The following C5orf22 variants were observed in gnomAD, a reference collection of about 807,000 sequenced individuals.
C5orf22 encodes the protein UPF0489 protein C5orf22.
A neutral mutation model predicts 48.7 loss-of-function variants in C5orf22; 36 were observed. The ratio of observed to expected loss-of-function variants is 0.74; its 90% CI spans 0.57 to 0.98. The LOEUF (loss-of-function observed/expected upper bound fraction) is 0.98. Ranked by LOEUF, C5orf22 falls within the 50% of genes least tolerant of loss-of-function variation. The pLI, the probability that C5orf22 is intolerant of heterozygous loss-of-function variation, is 0.00. For missense variants in C5orf22, 486 were observed against 521.9 expected, an observed-to-expected ratio of 0.93 and a Z score of 0.67; for synonymous variants, 141 against 180.8, an observed-to-expected ratio of 0.78 and a Z score of 1.76.
chr5:31,532,582 A>C, intron 1 of C5orf22, 109 bp downstream of exon 1: 1 of 880,742 alleles, frequency 1.1e-6, no homozygotes, highest in South Asian at 1.6e-5. Flanking sequence ...AGTTAACCAG[A>C]GTTAAACTGC....
chr5:31,538,527 C>T lies in C5orf22; in HGVS notation c.645C>T (p.Cys215=), dbSNP rs761401158. 9.3e-6 allele frequency: 15 copies of T among 1,614,090 alleles called. No individual in the cohort carries two copies. Among genetic ancestry groups the T allele is most frequent in the Non-Finnish European group, 1.2e-5 (14 of 1,180,002 alleles). The change falls in exon 4 of 9, where the codon TGC becomes TGT. Residue 215 remains cysteine, a synonymous_variant. Transcript: ENST00000325366. ...DTATQRSDQT[C]LEPSCSCSSE... ...CAACACAGAGAAGTGACCAGACTTG[C>T]CTAGAACCATCATGTTCATGTTCTT...
In C5orf22 at chr5:31,535,882, C is replaced by A; in HGVS notation, c.366C>A (p.Thr122=). The A allele has an allele frequency of 6.2e-7, 1 of 1,611,402 alleles. No homozygotes were observed. The highest frequency in any genetic ancestry group is 8.5e-7 in the Non-Finnish European group (1 of 1,179,310). ...TTTTAGTAGGCAAAGACACTTCTACCACAACAATCAGGTAATTTCCTCATA... is the reference window on the plus strand; with the variant it reads ...TTTTAGTAGGCAAAGACACTTCTACAACAACAATCAGGTAATTTCCTCATA... The part of the protein sequence containing the change: ...HHFLVGKDTS[T]TTIRVTSTDH... The change falls in exon 3 of 9, where the codon ACC becomes ACA. Residue 122 remains threonine, a synonymous_variant. Transcript: ENST00000325366.
At chr5:31,551,207 A>G in intron 7 of C5orf22, 86 bp from the exon 8 acceptor site, 1 of 1,299,980 alleles carries the variant, frequency 7.7e-7, no homozygotes, top group Non-Finnish European at 1.1e-6. Flanking sequence ...ATAAAAGTAA[A>G]GATTTGTCAA....
At position 31,552,637 on chromosome 5, in the gene C5orf22, C is replaced by T. The variant is rs1743354637; in HGVS notation, c.1200-136C>T. 28 of 680,262 alleles carry T rather than the reference C, an allele frequency of 4.1e-5. No individual in the cohort carries two copies. In the South Asian group the frequency reaches 5.4e-4, roughly 13 times the overall value. 42.1% of individuals were successfully genotyped at this position (680,262 alleles called of 1,614,324 possible). On this transcript the variant is annotated intron_variant, in intron 8 of 8. Transcript: ENST00000325366. ...CTAACATGGGGTAAACCTTCACTAG[C>T]TTTCAATTGATATTAATCCAAAGTT... is the stretch of plus-strand genomic sequence containing the variant.
intron 6 of C5orf22, among the ~76,000 whole-genome samples, chr5:31,545,104 G>T (rs1742773743): frequency 6.6e-6 from 1 of 150,696 alleles, no homozygotes; most frequent in African/African-American, 2.4e-5. Context: ...TGTCACCCTG[G>T]CTGGAGTGCA....
chr5:31,535,883 A>G lies in C5orf22; in HGVS notation c.367A>G (p.Thr123Ala), dbSNP rs1742038490. The G allele has an allele frequency of 6.2e-7, 1 of 1,611,630 alleles. No homozygotes were observed. Among genetic ancestry groups the G allele is most frequent in the Non-Finnish European group, 8.5e-7 (1 of 1,179,440 alleles). Reference protein sequence around the residue: ...HFLVGKDTSTTTIRVTSTDHY... With the variant: ...HFLVGKDTSTATIRVTSTDHY... The stretch of plus-strand genomic sequence containing the variant: ...TTTAGTAGGCAAAGACACTTCTACC[A>G]CAACAATCAGGTAATTTCCTCATAT... Residue 123 changes from threonine (T) to alanine (A), a missense_variant, in exon 3 of 9, where the codon ACA becomes GCA. Around this residue, in one of 3 missense-constraint regions of C5orf22, gnomAD observed 408 missense variants for 444.0 expected, o/e 0.92. Transcript: ENST00000325366.
In C5orf22 at chr5:31,541,280, G is replaced by A. The variant is rs1742447380; in HGVS notation, c.871-1G>A. On this transcript the variant is annotated splice_acceptor_variant, in intron 5 of 8. Transcript: ENST00000325366. LOFTEE classifies it high-confidence loss of function. Reference sequence around the variant, plus strand: ...ATCTCAGCTTTTCAATGTATTTAAAGGAAGATTTGGTAGATATTGTTGATA... The same window carrying A: ...ATCTCAGCTTTTCAATGTATTTAAAAGAAGATTTGGTAGATATTGTTGATA... The A allele has an allele frequency of 1.9e-6, 3 of 1,610,166 alleles. No individual in the cohort carries two copies. Among genetic ancestry groups the A allele is most frequent in the Non-Finnish European group, 2.5e-6 (3 of 1,176,662 alleles).
chr5:31,553,926 T>G lies in C5orf22; in HGVS notation c.*1024T>G, dbSNP rs1303024568. On this transcript the variant is annotated 3_prime_UTR_variant, in exon 9 of 9. Transcript: ENST00000325366. Reference sequence around the variant, plus strand: ...TATTGCCAAGTCTAGATTGATACTTTTTTCAGATAAACCAGCTTTTTATGT... The same window carrying G: ...TATTGCCAAGTCTAGATTGATACTTGTTTCAGATAAACCAGCTTTTTATGT... 1 of 152,210 alleles carries G rather than the reference T, an allele frequency of 6.6e-6. No homozygotes were observed. The highest frequency in any genetic ancestry group is 2.4e-5 in the African/African-American group (1 of 41,448). The allele number at this position is 152,210 out of a possible 1,614,324, so 9.4% of individuals were successfully genotyped here.
rs1012962286 is a variant in C5orf22 at position 31,553,660 on chromosome 5, A to G, written c.*758A>G. Reference sequence around the variant, plus strand: ...AAAAACCCCACAAATTTGCCAATCCATGAAAGTATCATAGGAAGTCTACCT... The same window carrying G: ...AAAAACCCCACAAATTTGCCAATCCGTGAAAGTATCATAGGAAGTCTACCT... On this transcript the variant is annotated 3_prime_UTR_variant, in exon 9 of 9. Coordinates refer to ENST00000325366, the MANE Select transcript of C5orf22 (RefSeq NM_018356.3). 2.6e-5 allele frequency: 4 copies of G among 152,130 alleles called. No homozygotes were observed. Among genetic ancestry groups the G allele is most frequent in the Non-Finnish European group, 2.9e-5 (2 of 68,034 alleles). 9.4% of individuals were successfully genotyped at this position (152,130 alleles called of 1,614,324 possible).
At chr5:31,533,323 A>G (rs1297919025) in intron 1 of C5orf22, among the ~76,000 whole-genome samples, 5 of 152,124 alleles carry the variant, frequency 3.3e-5, no homozygotes, top group Non-Finnish European at 7.4e-5. Flanking sequence ...AGGGGTTTCC[A>G]TGTTTATGGC....
intron 3 of C5orf22, among the ~76,000 whole-genome samples, chr5:31,536,379 C>T (rs1742094659): frequency 1.3e-5 from 2 of 152,118 alleles, no homozygotes; most frequent in Admixed American, 1.3e-4. Flanking sequence ...ACAAATTAGC[C>T]GGGCGTGGTG....
chr5:31,534,493 T>C (rs1561318011), intron 2 of C5orf22, 76 bp downstream of exon 2: 2 of 1,325,842 alleles, frequency 1.5e-6, no homozygotes, highest in East Asian at 2.3e-5. Flanking sequence ...TTATAGGAAA[T>C]AGACTTTGCT....
chr5:31,534,283 T>C lies in C5orf22; in HGVS notation c.93T>C (p.Phe31=). The part of the protein sequence containing the change: ...VVEDHQEVLP[F]IYRAIGSKHL... ...TGTGTCTTTTACAGGTTCTACCCTTTATATACCGGGCCATAGGCTCAAAGC... is the reference window on the plus strand; with the variant it reads ...TGTGTCTTTTACAGGTTCTACCCTTCATATACCGGGCCATAGGCTCAAAGC... The change falls in exon 2 of 9, where the codon TTT becomes TTC. Residue 31 remains phenylalanine, a synonymous_variant. Transcript: ENST00000325366. The C allele has an allele frequency of 6.2e-7, 1 of 1,613,040 alleles. No homozygotes were observed. Among genetic ancestry groups the C allele is most frequent in the Non-Finnish European group, 8.5e-7 (1 of 1,179,600 alleles).
At chr5:31,533,316 G>A (rs1023805650) in intron 1 of C5orf22, among the ~76,000 whole-genome samples, 1 of 152,146 alleles carries the variant, frequency 6.6e-6, no homozygotes, top group Non-Finnish European at 1.5e-5. Flanking sequence ...CACTAAAAGG[G>A]GTTTCCATGT....
intron 1 of C5orf22, among the ~76,000 whole-genome samples, chr5:31,533,311 A>G (rs560417669): frequency 6.6e-6 from 1 of 152,312 alleles, no homozygotes; most frequent in African/African-American, 2.4e-5. Flanking sequence ...ATAAACACTA[A>G]AAGGGGTTTC....
intron 7 of C5orf22, chr5:31,548,499 A>C (rs538116059): frequency 1.4e-5 from 6 of 439,032 alleles, no homozygotes; most frequent in Non-Finnish European, 2.7e-5. Flanking sequence ...GTTCCCAGCA[A>C]GTTCTTCATC....
rs1317601452 is a variant in C5orf22, at chr5:31,554,249, A to T, written c.*1347A>T. On this transcript the variant is annotated 3_prime_UTR_variant, in exon 9 of 9. Coordinates refer to ENST00000325366, the MANE Select transcript of C5orf22 (RefSeq NM_018356.3). ...GCAGTTCTTTTCACTCTTGCTTGTA[A>T]CTTTCAGGCCTTACCCACATGTGTT... 1 of 152,244 alleles carries T rather than the reference A, an allele frequency of 6.6e-6. No homozygotes were observed. The highest frequency in any genetic ancestry group is 6.5e-5 in the Admixed American group (1 of 15,290). The allele number at this position is 152,244 out of a possible 1,614,324, so 9.4% of individuals were successfully genotyped here.
chr5:31,547,833 G>A (rs1253477976), intron 7 of C5orf22, among the ~76,000 whole-genome samples: 1 of 152,214 alleles, frequency 6.6e-6, no homozygotes, highest in African/African-American at 2.4e-5. Context: ...AAAGGTCTCT[G>A]ACATGCCCCA....
intron 2 of C5orf22, 41 bp downstream of exon 2, chr5:31,534,458 A>G: frequency 6.4e-7 from 1 of 1,552,522 alleles, no homozygotes; most frequent in Non-Finnish European, 8.8e-7. Flanking sequence ...TGTTTGAAGT[A>G]CAATTTGCAG....
Sources: gnomAD v4.1 joint callset for allele counts (sites outside exome capture counted in the v4.1 genomes callset) on GRCh38, gnomAD v4.1.1 for gene constraint, gnomAD v4.1.1 regional missense constraint, MANE v1.5 for transcripts, NCBI Gene and HGNC (gene_info 2026-07-23, HGNC 2026-07-21) for gene names.